PTPN21: variants seen among roughly 807,000 people sequenced by gnomAD.
The protein encoded by PTPN21 is protein tyrosine phosphatase non-receptor type 21, also known as tyrosine-protein phosphatase non-receptor type 21.
Under a neutral mutation model 131.8 loss-of-function variants are expected in PTPN21, and 77 were observed. The observed-to-expected ratio is 0.58, with a 90% CI of 0.49 to 0.71. PTPN21 has a LOEUF of 0.71. PTPN21 is among the 30% of genes least tolerant of loss of function. The probability of loss-of-function intolerance (pLI) is 0.00; values close to 1 mark genes in which losing one functional copy is unlikely to be tolerated. For missense variants in PTPN21, 1,552 were observed against 1,527.1 expected (o/e 1.02, Z -0.27); for synonymous variants, 715 against 621.3 (o/e 1.15, Z -2.24).
intron 13 of PTPN21, among the ~76,000 whole-genome samples, chr14:88,475,995 G>A (rs968199979): frequency 6.6e-6 from 1 of 152,146 alleles, no homozygotes; most frequent in African/African-American, 2.4e-5. Context: ...TTTCTTATGT[G>A]AGAACCACTG....
At chr14:88,495,588 G>A (rs1200467593) in intron 10 of PTPN21, among the ~76,000 whole-genome samples, 1 of 152,136 alleles carries the variant, frequency 6.6e-6, no homozygotes. Context: ...TGAACCGGGG[G>A]CTCAGGGGGA....
intron 2 of PTPN21, among the ~76,000 whole-genome samples, chr14:88,526,607 A>C (rs1479270358): frequency 6.6e-6 from 1 of 150,606 alleles, no homozygotes; most frequent in Non-Finnish European, 1.5e-5. Flanking sequence ...ATTTCATCTC[A>C]GTAAAAAAAT....
Position 88,485,860 on chromosome 14 carries a change from T to A in PTPN21, c.933-18A>T. On this transcript the variant is annotated intron_variant, in intron 10 of 18. Coordinates refer to ENST00000556564, the MANE Select transcript of PTPN21 (RefSeq NM_007039.4). ...GAGTTTGCCTATAAAATAGGATGAC[T>A]CTGAGAAGAGCACATACACACTCTC... The A allele has an allele frequency of 1.3e-6, 2 of 1,535,746 alleles. No individual in the cohort carries two copies. The highest frequency in any genetic ancestry group is 1.8e-6 in the Non-Finnish European group (2 of 1,111,330).
intron 1 of PTPN21, among the ~76,000 whole-genome samples, chr14:88,553,391 C>A (rs931309439): frequency 1.3e-5 from 2 of 152,048 alleles, no homozygotes; most frequent in Non-Finnish European, 2.9e-5. Context: ...ATTTATACAT[C>A]TTAATTTTCA....
chr14:88,482,525 G>A (rs1253417546), intron 12 of PTPN21, among the ~76,000 whole-genome samples: 2 of 152,078 alleles, frequency 1.3e-5, no homozygotes, highest in East Asian at 1.9e-4. Context: ...TTGGGAGGCT[G>A]AGGCTTGAAC....
chr14:88,501,260 C>CAAATTTGTA, intron 7 of PTPN21, 21 bp downstream of exon 7: 1 of 1,588,404 alleles, frequency 6.3e-7, no homozygotes, highest in Non-Finnish European at 8.6e-7. Flanking sequence ...TAAAGAGCCC[C>CAAATTTGTA]AGCCGCCAAG....
chr14:88,543,684 A>T lies in PTPN21; in HGVS notation c.180+6554T>A, dbSNP rs935768188. ...GGAACAAAAACTTGACATTGTGTGT[A>T]ACGCACTAAACACACAATTTAAAAA... On this transcript the variant is annotated intron_variant, in intron 2 of 18. Coordinates refer to ENST00000556564, the MANE Select transcript of PTPN21 (RefSeq NM_007039.4). Among the ~76,000 whole-genome samples the T allele has an allele frequency of 3.9e-5, 6 of 152,240 alleles. No individual in the cohort carries two copies. In the East Asian group the frequency reaches 1.2e-3, roughly 29 times the overall value.
chr14:88,478,878 C>G, intron 13 of PTPN21, 42 bp downstream of exon 13: 2 of 1,343,014 alleles, frequency 1.5e-6, no homozygotes, highest in Non-Finnish European at 1.9e-6. Context: ...CCAGGGCGAA[C>G]GCGCGGTCCC....
At chr14:88,550,794 A>T (rs1188553674) in intron 1 of PTPN21, among the ~76,000 whole-genome samples, 175 bp from the exon 2 acceptor site, 4 of 152,204 alleles carry the variant, frequency 2.6e-5, no homozygotes, top group Non-Finnish European at 5.9e-5. Context: ...TGCTAGGCTC[A>T]GGGTCAGACT....
At chr14:88,507,772 A>G (rs1355267628) in intron 4 of PTPN21, 151 bp downstream of exon 4, 2 of 470,612 alleles carry the variant, frequency 4.2e-6, no homozygotes, top group Non-Finnish European at 7.2e-6. Flanking sequence ...TTTTTTCCCA[A>G]AAGGAAGCCC....
At chr14:88,490,006 G>A (rs1362706226) in intron 10 of PTPN21, among the ~76,000 whole-genome samples, 1 of 150,202 alleles carries the variant, frequency 6.7e-6, no homozygotes, top group Non-Finnish European at 1.5e-5. Flanking sequence ...TGAAATGTGT[G>A]GTTTTCTTTT....
In PTPN21 at chr14:88,479,428, G is replaced by C. The variant is rs754532520; in HGVS notation, c.2003C>G (p.Ala668Gly). 1.2e-6 allele frequency: 2 copies of C among 1,601,888 alleles called. No homozygotes were observed. The highest frequency in any genetic ancestry group is 1.7e-6 in the Non-Finnish European group (2 of 1,178,448). Residue 668 changes from alanine (A) to glycine (G), a missense_variant, in exon 13 of 19, where the codon GCC becomes GGC. Ala to Gly is a moderately conservative substitution (Grantham distance 60). Around this residue, in one of 4 missense-constraint regions of PTPN21, gnomAD observed 1,016 missense variants for 883.5 expected, o/e 1.15. Transcript: ENST00000556564. ...GCTGGGCTGGGAGCCCACCGAGACG[G>C]CTCGCGGCGCCACCTCTGCCGCCGA... is the stretch of plus-strand genomic sequence containing the variant. ...SASAAEVAPRAVSVGSQPSVF... is the reference protein window; with the variant it reads ...SASAAEVAPRGVSVGSQPSVF...
At chr14:88,505,397 TTAATTA>T in intron 4 of PTPN21, 26 bp from the exon 5 acceptor site, 1 of 1,496,162 alleles carries the variant, frequency 6.7e-7, no homozygotes, top group African/African-American at 1.4e-5. Context: ...AACATTCACG[TTAATTA>T]TATTTAAATT....
At chr14:88,507,235 A>G (rs543297552) in intron 4 of PTPN21, among the ~76,000 whole-genome samples, 2 of 152,318 alleles carry the variant, frequency 1.3e-5, no homozygotes, top group East Asian at 3.9e-4. Context: ...ATGACCTATT[A>G]GCAGACAAAG....
intron 3 of PTPN21, among the ~76,000 whole-genome samples, chr14:88,510,130 T>A (rs780712761): frequency 7.9e-5 from 12 of 152,232 alleles, no homozygotes; most frequent in African/African-American, 2.4e-4. Flanking sequence ...TATACTGTTA[T>A]GAGAATTGAC....
intron 10 of PTPN21, among the ~76,000 whole-genome samples, chr14:88,495,897 A>G (rs2077906158): frequency 6.6e-6 from 1 of 152,172 alleles, no homozygotes; most frequent in Non-Finnish European, 1.5e-5. Context: ...AAGGAAGGAA[A>G]CATACAAGCA....
intron 10 of PTPN21, among the ~76,000 whole-genome samples, chr14:88,493,596 T>A (rs2077857593): frequency 6.6e-6 from 1 of 152,210 alleles, no homozygotes; most frequent in Non-Finnish European, 1.5e-5. Context: ...TCAAGAGCAG[T>A]GCTACATATT....
intron 6 of PTPN21, among the ~76,000 whole-genome samples, chr14:88,503,412 A>G (rs935792708): frequency 2.0e-5 from 3 of 152,212 alleles, no homozygotes; most frequent in African/African-American, 7.2e-5. Context: ...ATGAGTAGTT[A>G]TAAGAATTTA....
intron 9 of PTPN21, 71 bp downstream of exon 9, chr14:88,497,132 C>G (rs1013268164): frequency 2.6e-6 from 3 of 1,175,332 alleles, no homozygotes; most frequent in South Asian, 1.2e-5. Flanking sequence ...CAAACACATA[C>G]AGGCACGCAG....
Sources: allele counts gnomAD v4.1 joint callset (sites outside exome capture counted in the v4.1 genomes callset), GRCh38; gene constraint gnomAD v4.1.1; regional missense constraint gnomAD v4.1.1; transcripts MANE v1.5; gene names NCBI Gene and HGNC (gene_info 2026-07-23, HGNC 2026-07-21).